Variants in ABLIM2 observed in about 807,000 individuals in gnomAD.
ABLIM2 encodes the protein actin binding LIM protein family member 2.
In ABLIM2, 53 loss-of-function variants were observed where a neutral mutation model predicts 97.7. The observed-to-expected ratio is 0.54, with a 90% CI of 0.44 to 0.68. The LOEUF is 0.68. ABLIM2 is among the 30% of genes least tolerant of loss of function. The pLI is 0.00. For missense variants in ABLIM2, 835 were observed against 867.2 expected (o/e 0.96, Z 0.47); for synonymous variants, 361 against 345.8 (o/e 1.04, Z -0.49).
chr4:8,037,259 C>T (rs1286552396), intron 9 of ABLIM2, among the ~76,000 whole-genome samples: 2 of 151,866 alleles, frequency 1.3e-5, no homozygotes, highest in African/African-American at 2.4e-5. Context: ...ATGATACATA[C>T]CTACACATAC....
At position 8,069,396 on chromosome 4, in the gene ABLIM2, C is replaced by T. The variant is rs555719457; in HGVS notation, c.675+8232G>A. ...ACACGCACTGCAGCGTGTCCAGGCTCGGAGGGTCCCACCACGAAGACAGTG... is the reference window on the plus strand; with the variant it reads ...ACACGCACTGCAGCGTGTCCAGGCTTGGAGGGTCCCACCACGAAGACAGTG... On this transcript the variant is annotated intron_variant, in intron 6 of 20. Transcript: ENST00000447017. The surrounding 1 kb of genome is among the most constrained non-coding windows in gnomAD (Gnocchi z 4.2). 6.6e-6 allele frequency among the ~76,000 whole-genome samples: 1 copy of T among 152,324 alleles called. No homozygotes were observed. Among genetic ancestry groups the T allele is most frequent in the East Asian group, 1.9e-4 (1 of 5,178 alleles).
chr4:8,078,396 G>C (rs574401587), intron 5 of ABLIM2, among the ~76,000 whole-genome samples: 1 of 152,360 alleles, frequency 6.6e-6, no homozygotes, highest in South Asian at 2.1e-4. Context: ...CAGGGAATTG[G>C]TGTCGAATGC....
chr4:8,061,405 C>A lies in ABLIM2; in HGVS notation c.676-351G>T, dbSNP rs1012157848. On this transcript the variant is annotated intron_variant, in intron 6 of 20. Coordinates refer to ENST00000447017, the MANE Select transcript of ABLIM2 (RefSeq NM_001130083.2). This position sits in a 1 kb window ranked among gnomAD's most constrained non-coding sequence, Gnocchi z 4.5. ...GTATTTCCAGAGGGAGCGGGAGGGA[C>A]AGGAGGAGGAAGAAAAGGGGAGAGG... 6.6e-6 allele frequency among the ~76,000 whole-genome samples: 1 copy of A among 151,278 alleles called. No homozygotes were observed. The highest frequency in any genetic ancestry group is 2.4e-5 in the African/African-American group (1 of 41,044).
At chr4:8,134,113 G>A (rs1849836338) in intron 1 of ABLIM2, among the ~76,000 whole-genome samples, 1 of 152,216 alleles carries the variant, frequency 6.6e-6, no homozygotes, top group African/African-American at 2.4e-5. Flanking sequence ...GAAGGACACA[G>A]CTGAAGAGGG....
At chr4:8,080,979 G>A (rs1475758590) in intron 4 of ABLIM2, among the ~76,000 whole-genome samples, 177 bp from the exon 5 acceptor site, 1 of 152,168 alleles carries the variant, frequency 6.6e-6, no homozygotes, top group Non-Finnish European at 1.5e-5. Flanking sequence ...TGGAGCATAG[G>A]GAAGGCAACT....
Position 8,032,528 on chromosome 4 carries a change from G to T in ABLIM2, c.1048-2752C>A. The T allele has an allele frequency of 7.6e-7, 1 of 1,314,434 alleles. No individual in the cohort carries two copies. Among genetic ancestry groups the T allele is most frequent in the Non-Finnish European group, 1.1e-6 (1 of 928,250 alleles). The allele number at this position is 1,314,434 out of a possible 1,614,324, so 81.4% of individuals were successfully genotyped here. A position where few individuals can be genotyped will look rare whatever the true frequency, so the allele number is the denominator to read the frequency against. On this transcript the variant is annotated intron_variant, in intron 10 of 20. Transcript: ENST00000447017. The surrounding 1 kb of genome is among the most constrained non-coding windows in gnomAD (Gnocchi z 4.3). ...CCCATGTCACAAGGGCCGTGGCCCC[G>T]GGCCCCATGGTGAAGAGCCACCGAG...
At chr4:8,026,641 T>G (rs1433788617) in intron 12 of ABLIM2, among the ~76,000 whole-genome samples, 1 of 152,262 alleles carries the variant, frequency 6.6e-6, no homozygotes, top group African/African-American at 2.4e-5. Flanking sequence ...TGCTGCCTCC[T>G]CTAATGTTCT....
chr4:7,974,718 C>T (rs984207394), intron 20 of ABLIM2, among the ~76,000 whole-genome samples: 3 of 151,874 alleles, frequency 2.0e-5, no homozygotes, highest in African/African-American at 7.3e-5. Flanking sequence ...TGCATCTATC[C>T]ACCCATCCAT....
intron 10 of ABLIM2, among the ~76,000 whole-genome samples, chr4:8,031,167 G>T (rs1047328545): frequency 6.6e-6 from 1 of 152,242 alleles, no homozygotes; most frequent in African/African-American, 2.4e-5. Flanking sequence ...AAGGTTGGCC[G>T]AGGTCCTGTG....
At chr4:7,978,606 C>A (rs1220158100) in intron 20 of ABLIM2, among the ~76,000 whole-genome samples, 1 of 152,126 alleles carries the variant, frequency 6.6e-6, no homozygotes, top group Non-Finnish European at 1.5e-5. Context: ...AACTCCAGCA[C>A]CATTAGACAG....
Position 8,119,314 on chromosome 4 carries a change from G to A in ABLIM2, c.11-12677C>T, listed in dbSNP as rs557366481. 6.7e-5 allele frequency among the ~76,000 whole-genome samples: 10 copies of A among 149,294 alleles called. 1 individual carries two copies. The East Asian group carries it at 1.6e-3, about 24-fold the overall frequency. On this transcript the variant is annotated intron_variant, in intron 1 of 20. Transcript: ENST00000447017. ...CGTGTAGTCTTGTGGCACAGGTCTC[G>A]GGCTTCCTTCTTTTTTTTTTTTTTT...
In ABLIM2 at chr4:8,122,491, C is replaced by T. The variant is rs756902341; in HGVS notation, c.11-15854G>A. Among the ~76,000 whole-genome samples, 13 of 152,192 alleles carry T rather than the reference C, an allele frequency of 8.5e-5. No homozygotes were observed. The highest frequency in any genetic ancestry group is 1.9e-4 in the African/African-American group (8 of 41,446). On this transcript the variant is annotated intron_variant, in intron 1 of 20. Transcript: ENST00000447017. The surrounding 1 kb of genome is among the most constrained non-coding windows in gnomAD (Gnocchi z 4.1). ...GCTCCCTTCCTGGCTTGCAGACAGCCGCCTTCTTACTGTGTCCTCACAAGG... is the reference window on the plus strand; with the variant it reads ...GCTCCCTTCCTGGCTTGCAGACAGCTGCCTTCTTACTGTGTCCTCACAAGG...
intron 7 of ABLIM2, among the ~76,000 whole-genome samples, chr4:8,060,038 C>T (rs549444965): frequency 6.6e-6 from 1 of 152,210 alleles, no homozygotes; most frequent in East Asian, 1.9e-4. Flanking sequence ...TGTTAATAAG[C>T]TTCTGTTCAT....
At chr4:7,997,907 G>A (rs1292514802) in intron 16 of ABLIM2, among the ~76,000 whole-genome samples, 1 of 150,514 alleles carries the variant, frequency 6.6e-6, no homozygotes, top group Non-Finnish European at 1.5e-5. Flanking sequence ...TTGAGATGGA[G>A]TTTCACTCTT....
intron 20 of ABLIM2, among the ~76,000 whole-genome samples, chr4:7,982,300 G>A (rs1337269768): frequency 6.6e-6 from 1 of 152,226 alleles, no homozygotes; most frequent in Non-Finnish European, 1.5e-5. Flanking sequence ...CTCCAGCCTT[G>A]GGGCTCAGAT....
At chr4:8,152,872 A>T in intron 1 of ABLIM2, among the ~76,000 whole-genome samples, 1 of 152,324 alleles carries the variant, frequency 6.6e-6, no homozygotes, top group African/African-American at 2.4e-5. Context: ...GGAAAGAAGG[A>T]CACAGAGGTC....
chr4:8,110,110 T>C (rs764776940), intron 1 of ABLIM2, among the ~76,000 whole-genome samples: 1 of 152,230 alleles, frequency 6.6e-6, no homozygotes, highest in African/African-American at 2.4e-5. Context: ...GCCCAGGCCA[T>C]GGGGGCCCCT....
Position 7,969,061 on chromosome 4 carries a change from G to A in ABLIM2, c.1825-1958C>T, listed in dbSNP as rs376319229. Among the ~76,000 whole-genome samples the A allele has an allele frequency of 1.2e-4, 18 of 152,210 alleles. No individual in the cohort carries two copies. The East Asian group carries it at 2.5e-3, about 21-fold the overall frequency. On this transcript the variant is annotated intron_variant, in intron 20 of 20. Transcript: ENST00000447017. ...GCAGGAGAATCGCTTGAACCCAGGA[G>A]GTGGAGGTTGCAGTGAGCTGAGATC...
intron 15 of ABLIM2, 85 bp downstream of exon 15, chr4:8,008,965 C>G: frequency 6.7e-7 from 1 of 1,491,358 alleles, no homozygotes; most frequent in Non-Finnish European, 9.3e-7. Context: ...GAGGAAGATT[C>G]GAAGTCTCAA....
Sources: gnomAD v4.1 joint callset for allele counts (sites outside exome capture counted in the v4.1 genomes callset) on GRCh38, gnomAD v4.1.1 for gene constraint, Gnocchi (gnomAD v3.1) non-coding constraint, MANE v1.5 for transcripts, NCBI Gene and HGNC (gene_info 2026-07-23, HGNC 2026-07-21) for gene names.